Variants in NMT2 observed in about 807,000 individuals in gnomAD.
NMT2 encodes the protein glycylpeptide N-tetradecanoyltransferase 2.
In NMT2, 35 loss-of-function variants were observed where a neutral mutation model predicts 65.4. The observed-to-expected ratio is 0.54, with a 90% CI of 0.41 to 0.71. The LOEUF (loss-of-function observed/expected upper bound fraction) is 0.71. Ranked by LOEUF, NMT2 falls within the 30% of genes least tolerant of loss-of-function variation. The pLI is 0.00. For synonymous variants in NMT2, 226 were observed against 231.8 expected (o/e 0.98, Z 0.23); for missense variants, 489 against 611.3 (o/e 0.80, Z 2.11).
chr10:15,155,271 A>C, intron 1 of NMT2: 2 of 1,438,140 alleles, frequency 1.4e-6, no homozygotes, highest in Non-Finnish European at 2.0e-6. Flanking sequence ...GACGTGCCCC[A>C]AGGCCTCGCT....
chr10:15,134,573 A>G (rs1846406127), intron 3 of NMT2, among the ~76,000 whole-genome samples: 1 of 152,116 alleles, frequency 6.6e-6, no homozygotes. Flanking sequence ...CACTGTTTCC[A>G]GGTGTGTGCC....
At chr10:15,165,359 T>C (rs1036304371) in intron 1 of NMT2, among the ~76,000 whole-genome samples, 3 of 152,206 alleles carry the variant, frequency 2.0e-5, no homozygotes, top group African/African-American at 7.2e-5. Flanking sequence ...CTAATTCTAA[T>C]TGCAAATCGT....
chr10:15,140,497 TTTTC>T (rs1192581072), intron 2 of NMT2, among the ~76,000 whole-genome samples: 1 of 152,002 alleles, frequency 6.6e-6, no homozygotes, highest in Non-Finnish European at 1.5e-5. Context: ...ATTCTACCCC[TTTTC>T]TTTCTTTTCT....
At chr10:15,159,497 G>C (rs1358742092) in intron 1 of NMT2, among the ~76,000 whole-genome samples, 2 of 152,016 alleles carry the variant, frequency 1.3e-5, no homozygotes, top group Admixed American at 1.3e-4. Flanking sequence ...ACTGCAGTAT[G>C]TGCTTATAAA....
chr10:15,139,454 G>A (rs1846650130), intron 2 of NMT2, among the ~76,000 whole-genome samples: 2 of 152,150 alleles, frequency 1.3e-5, no homozygotes, highest in South Asian at 4.1e-4. Flanking sequence ...TGGAAGGGAT[G>A]GGCAGAGACC....
At chr10:15,146,840 C>A (rs1414979731) in intron 1 of NMT2, among the ~76,000 whole-genome samples, 5 of 152,026 alleles carry the variant, frequency 3.3e-5, no homozygotes. Flanking sequence ...CGCCTGTAAT[C>A]CCAGCACTTT....
chr10:15,153,627 A>G (rs1170183652), intron 1 of NMT2, among the ~76,000 whole-genome samples: 1 of 152,160 alleles, frequency 6.6e-6, no homozygotes, highest in Non-Finnish European at 1.5e-5. Context: ...AAAGCTACAC[A>G]CAGATGTTTT....
chr10:15,129,848 C>A (rs563559371), intron 7 of NMT2, among the ~76,000 whole-genome samples: 14 of 138,684 alleles, frequency 1.0e-4, no homozygotes, highest in African/African-American at 3.9e-4. Flanking sequence ...GGCGAGTTTG[C>A]GGTGAGCCAA....
At chr10:15,125,677 GTTAT>G (rs1341199806) in intron 8 of NMT2, among the ~76,000 whole-genome samples, 1 of 152,000 alleles carries the variant, frequency 6.6e-6, no homozygotes, top group Non-Finnish European at 1.5e-5. Flanking sequence ...TATTTATTTA[GTTAT>G]TTATGAGATG....
chr10:15,162,407 G>C (rs2131636147), intron 1 of NMT2, among the ~76,000 whole-genome samples: 1 of 152,222 alleles, frequency 6.6e-6, no homozygotes, highest in South Asian at 2.1e-4. Context: ...TATGATCTGA[G>C]CTGTCCAGTA....
intron 1 of NMT2, 86 bp downstream of exon 1, chr10:15,168,417 G>T: frequency 1.0e-6 from 1 of 1,003,176 alleles, no homozygotes; most frequent in Non-Finnish European, 1.5e-6. Context: ...AGAACCCCCA[G>T]TCCTGGGAGC....
intron 1 of NMT2, among the ~76,000 whole-genome samples, chr10:15,161,533 T>C (rs1216930603): frequency 1.3e-5 from 2 of 152,084 alleles, no homozygotes; most frequent in Admixed American, 1.3e-4. Flanking sequence ...TGTTTTTTTG[T>C]ATTTTTAGTA....
chr10:15,113,106 C>T (rs1845621559), intron 9 of NMT2, 143 bp from the exon 10 acceptor site: 1 of 820,492 alleles, frequency 1.2e-6, no homozygotes, highest in Non-Finnish European at 2.0e-6. Flanking sequence ...TTTGGGGCCC[C>T]TTATATTGTG....
chr10:15,168,678 T>A lies in NMT2; in HGVS notation c.-66A>T. 1 of 1,223,870 alleles carries A rather than the reference T, an allele frequency of 8.2e-7. No individual in the cohort carries two copies. Among genetic ancestry groups the A allele is most frequent in the Non-Finnish European group, 1.1e-6 (1 of 888,266 alleles). 75.8% of individuals were successfully genotyped at this position (1,223,870 alleles called of 1,614,324 possible). On this transcript the variant is annotated 5_prime_UTR_variant, in exon 1 of 12. Transcript: ENST00000378165. ...CCGGAGCGGCCGCAGCTCCCTCTAG[T>A]GCCTCCCGCCGTACTGCTTGGAGTC...
In NMT2 at chr10:15,108,227, A is replaced by G. The variant is rs955677855; in HGVS notation, c.*968T>C. ...TTGAGACGGAGTCTCACGCTCTGTCACCCAGGCTGGAGTGCAGTGGCTCGA... is the reference window on the plus strand; with the variant it reads ...TTGAGACGGAGTCTCACGCTCTGTCGCCCAGGCTGGAGTGCAGTGGCTCGA... On this transcript the variant is annotated 3_prime_UTR_variant, in exon 12 of 12. Coordinates refer to ENST00000378165, the MANE Select transcript of NMT2 (RefSeq NM_004808.3). 1.0e-4 allele frequency: 98 copies of G among 971,152 alleles called. No individual in the cohort carries two copies. The highest frequency in any genetic ancestry group is 1.1e-4 in the Non-Finnish European group (94 of 822,124). 60.2% of individuals were successfully genotyped at this position (971,152 alleles called of 1,614,324 possible).
At position 15,108,452 on chromosome 10, in the gene NMT2, T is replaced by A. The variant is rs1845390211; in HGVS notation, c.*743A>T. 1.0e-6 allele frequency: 1 copy of A among 958,608 alleles called. No homozygotes were observed. The highest frequency in any genetic ancestry group is 6.2e-5 in the Admixed American group (1 of 16,236). The allele number at this position is 958,608 out of a possible 1,614,324, so 59.4% of individuals were successfully genotyped here. A position where few individuals can be genotyped will look rare whatever the true frequency, so the allele number is the denominator to read the frequency against. On this transcript the variant is annotated 3_prime_UTR_variant, in exon 12 of 12. Transcript: ENST00000378165. Reference sequence around the variant, plus strand: ...TGCCCACCTTGGCCTCCCAAAGTGCTGGGATTACAGGCGTGAGCCACCACG... The same window carrying A: ...TGCCCACCTTGGCCTCCCAAAGTGCAGGGATTACAGGCGTGAGCCACCACG...
intron 1 of NMT2, among the ~76,000 whole-genome samples, chr10:15,145,074 AC>A (rs993605764): frequency 4.6e-4 from 70 of 152,350 alleles, no homozygotes; most frequent in African/African-American, 1.6e-3. Context: ...AATAAAAAAA[AC>A]AAAGAGTCGA....
chr10:15,159,938 T>C (rs1833131515), intron 1 of NMT2, among the ~76,000 whole-genome samples: 1 of 152,098 alleles, frequency 6.6e-6, no homozygotes, highest in Non-Finnish European at 1.5e-5. Flanking sequence ...AAAGATACAC[T>C]CACTAAGAGC....
At chr10:15,116,984 T>G (rs1845768127) in intron 9 of NMT2, among the ~76,000 whole-genome samples, 1 of 152,114 alleles carries the variant, frequency 6.6e-6, no homozygotes, top group Admixed American at 6.5e-5. Flanking sequence ...CTAACAAACA[T>G]TTAAAGAATT....
Sources: gnomAD v4.1 joint callset for allele counts (sites outside exome capture counted in the v4.1 genomes callset) on GRCh38, gnomAD v4.1.1 for gene constraint, MANE v1.5 for transcripts, NCBI Gene and HGNC (gene_info 2026-07-23, HGNC 2026-07-21) for gene names.